Variants in TUBGCP3 observed in about 807,000 individuals in gnomAD.
The protein encoded by TUBGCP3 is gamma-tubulin complex component 3.
TUBGCP3 carries 50 observed loss-of-function variants against 123.1 expected under a neutral mutation model. The ratio of observed to expected loss-of-function variants is 0.41; its 90% CI spans 0.32 to 0.51. The LOEUF (loss-of-function observed/expected upper bound fraction) is 0.51. TUBGCP3 is among the 20% of genes least tolerant of loss of function. TUBGCP3 has a pLI of 0.36. For missense variants in TUBGCP3, 882 were observed against 1,127.0 expected (o/e 0.78, Z 3.11); for synonymous variants, 405 against 413.9 (o/e 0.98, Z 0.26).
At chr13:112,572,971 G>A (rs1348141886) in intron 1 of TUBGCP3, among the ~76,000 whole-genome samples, 2 of 151,998 alleles carry the variant, frequency 1.3e-5, no homozygotes, top group Non-Finnish European at 2.9e-5. Flanking sequence ...CCACAAGGAA[G>A]CTCAGCACTG....
At chr13:112,539,387 T>C (rs992220279) in intron 11 of TUBGCP3, among the ~76,000 whole-genome samples, 2 of 152,132 alleles carry the variant, frequency 1.3e-5, no homozygotes, top group African/African-American at 4.8e-5. Context: ...TACAATGAGA[T>C]AAACCGGTAG....
At position 112,559,351 on chromosome 13, in the gene TUBGCP3, T is replaced by C. The variant is rs1880312114; in HGVS notation, c.301A>G (p.Ser101Gly). ...CTTGGCTGCCTGCGTGGGTCCTCACTGAGGCTCAGCAAGAGGTAGAGTATT... is the reference window on the plus strand; with the variant it reads ...CTTGGCTGCCTGCGTGGGTCCTCACCGAGGCTCAGCAAGAGGTAGAGTATT... ...WSILYLLLSL[S>G]EDPRRQPSKV... The change falls in exon 4 of 22, where the codon AGT (serine) becomes GGT (glycine). Residue 101 changes from serine to glycine, a missense_variant. By Grantham distance (56) the Ser-to-Gly change is moderately conservative. This residue lies in a region of TUBGCP3 where 713 missense variants were observed against 874.0 expected (regional missense o/e 0.82). Coordinates refer to ENST00000261965, the MANE Select transcript of TUBGCP3 (RefSeq NM_006322.6). 6.2e-7 allele frequency: 1 copy of C among 1,611,896 alleles called. No homozygotes were observed. The highest frequency in any genetic ancestry group is 1.7e-5 in the Admixed American group (1 of 59,624).
chr13:112,542,778 A>G (rs888644185), intron 11 of TUBGCP3, among the ~76,000 whole-genome samples: 5 of 152,212 alleles, frequency 3.3e-5, no homozygotes, highest in Non-Finnish European at 7.3e-5. Context: ...CTTGACTTCG[A>G]TAGTGACTTA....
upstream of TUBGCP3, among the ~76,000 whole-genome samples, chr13:112,589,770 T>G (rs575384754): frequency 6.6e-6 from 1 of 152,266 alleles, no homozygotes; most frequent in Non-Finnish European, 1.5e-5. Flanking sequence ...AGTTAGCAGG[T>G]AGTATAGCAA....
chr13:112,580,070 T>C (rs1380973207), intron 1 of TUBGCP3, among the ~76,000 whole-genome samples: 1 of 152,182 alleles, frequency 6.6e-6, no homozygotes, highest in African/African-American at 2.4e-5. Context: ...GAAACAAGTC[T>C]CAAAACTTTT....
Position 112,522,486 on chromosome 13 carries a change from C to T in TUBGCP3, c.1579G>A (p.Glu527Lys), listed in dbSNP as rs750412104. 1 of 1,613,594 alleles carries T rather than the reference C, an allele frequency of 6.2e-7. No homozygotes were observed. Among genetic ancestry groups the T allele is most frequent in the South Asian group, 1.1e-5 (1 of 91,046 alleles). Reference sequence around the variant, plus strand: ...TCAATCTTCCCCTGAAATGCATTTTCCAAGTCTGTGAATAGGTCTGCAGCT... The same window carrying T: ...TCAATCTTCCCCTGAAATGCATTTTTCAAGTCTGTGAATAGGTCTGCAGCT... ...QDAADLFTDLENAFQGKIDAA... is the reference protein window; with the variant it reads ...QDAADLFTDLKNAFQGKIDAA... The change falls in exon 14 of 22, where the codon GAA becomes AAA. Residue 527 changes from glutamate to lysine, a missense_variant. By Grantham distance (56) the Glu-to-Lys change is moderately conservative. This residue lies in a region of TUBGCP3 where 713 missense variants were observed against 874.0 expected (regional missense o/e 0.82). Coordinates refer to ENST00000261965, the MANE Select transcript of TUBGCP3 (RefSeq NM_006322.6).
upstream of TUBGCP3, among the ~76,000 whole-genome samples, chr13:112,588,565 G>T (rs1449301717): frequency 6.6e-6 from 1 of 152,136 alleles, no homozygotes; most frequent in African/African-American, 2.4e-5. Flanking sequence ...TCCAACAGGC[G>T]CCCTGCTCAG....
At chr13:112,569,928 G>A (rs1316289637) in intron 1 of TUBGCP3, among the ~76,000 whole-genome samples, 2 of 152,156 alleles carry the variant, frequency 1.3e-5, no homozygotes, top group South Asian at 2.1e-4. Flanking sequence ...TAAGAATGGG[G>A]AGAGGGGAGT....
chr13:112,573,223 A>G (rs1881550908), intron 1 of TUBGCP3, among the ~76,000 whole-genome samples: 1 of 151,578 alleles, frequency 6.6e-6, no homozygotes, highest in Admixed American at 6.6e-5. Context: ...ACAAAACAGT[A>G]TGCCATAAAT....
intron 1 of TUBGCP3, among the ~76,000 whole-genome samples, chr13:112,575,135 G>C (rs888101290): frequency 2.0e-5 from 3 of 152,176 alleles, no homozygotes; most frequent in Admixed American, 6.5e-5. Flanking sequence ...GAAATGTGTT[G>C]GGAACCAGAG....
At chr13:112,507,609 G>A (rs759554147) in intron 17 of TUBGCP3, among the ~76,000 whole-genome samples, 18 of 152,130 alleles carry the variant, frequency 1.2e-4, no homozygotes, top group Admixed American at 3.9e-4. Context: ...TGACAGAAGC[G>A]GCTCAGTCCC....
chr13:112,525,593 A>G (rs982179498), intron 13 of TUBGCP3, among the ~76,000 whole-genome samples: 1 of 152,256 alleles, frequency 6.6e-6, no homozygotes, highest in Non-Finnish European at 1.5e-5. Flanking sequence ...AGCTATAAAT[A>G]TAAGTTAGCC....
intron 11 of TUBGCP3, among the ~76,000 whole-genome samples, chr13:112,531,467 C>G (rs1006672603): frequency 6.6e-5 from 10 of 152,316 alleles, no homozygotes; most frequent in African/African-American, 2.2e-4. Context: ...AGTCACCGCG[C>G]TCATGCTGGG....
chr13:112,510,806 G>A (rs1003287473), intron 17 of TUBGCP3, among the ~76,000 whole-genome samples: 3 of 152,144 alleles, frequency 2.0e-5, no homozygotes, highest in Admixed American at 6.5e-5. Context: ...TAGCACCAAC[G>A]GCTCAGCTTA....
intron 20 of TUBGCP3, 49 bp downstream of exon 20, chr13:112,498,996 A>G (rs1272203389): frequency 6.2e-7 from 1 of 1,614,120 alleles, no homozygotes; most frequent in Non-Finnish European, 8.5e-7. Flanking sequence ...CGTGTGTGGC[A>G]AGGAGTTCAT....
intron 4 of TUBGCP3, among the ~76,000 whole-genome samples, 175 bp from the exon 5 acceptor site, chr13:112,558,588 A>G (rs1880249014): frequency 6.6e-6 from 1 of 152,208 alleles, no homozygotes; most frequent in South Asian, 2.1e-4. Context: ...CTAAACTGAT[A>G]AAGTTTTAGA....
intron 14 of TUBGCP3, among the ~76,000 whole-genome samples, 153 bp from the exon 15 acceptor site, chr13:112,520,174 G>A (rs1876496820): frequency 6.6e-6 from 1 of 152,178 alleles, no homozygotes; most frequent in Non-Finnish European, 1.5e-5. Context: ...AAGCTTCAGA[G>A]CATTAACTGC....
chr13:112,572,291 C>A (rs146023810), intron 1 of TUBGCP3, among the ~76,000 whole-genome samples: 44 of 152,246 alleles, frequency 2.9e-4, no homozygotes, highest in Non-Finnish European at 5.6e-4. Context: ...AAACAAAAAG[C>A]GGGATACATG....
the TUBGCP3 span, among the ~76,000 whole-genome samples, chr13:112,598,409 A>G: frequency 8.6e-5 from 13 of 151,914 alleles, no homozygotes; most frequent in Non-Finnish European, 1.8e-4. Context: ...ATATGAATGG[A>G]TATTGATTAG....
Sources: allele counts gnomAD v4.1 joint callset (sites outside exome capture counted in the v4.1 genomes callset), GRCh38; gene constraint gnomAD v4.1.1; regional missense constraint gnomAD v4.1.1; transcripts MANE v1.5; gene names NCBI Gene and HGNC (gene_info 2026-07-23, HGNC 2026-07-21).